The following TCF7L1 variants were observed in gnomAD, a reference collection of about 807,000 sequenced individuals.
TCF7L1 encodes the protein transcription factor 7 like 1.
TCF7L1 carries 18 observed loss-of-function variants against 63.7 expected under a neutral mutation model. The ratio of observed to expected loss-of-function variants is 0.28; its 90% CI spans 0.20 to 0.42. TCF7L1 has a LOEUF of 0.42. Among genes scored for constraint, TCF7L1 ranks in the 10% least tolerant of loss-of-function variants. The probability of loss-of-function intolerance (pLI) is 1.00; values close to 1 mark genes in which losing one functional copy is unlikely to be tolerated. For missense variants in TCF7L1, 654 were observed against 779.3 expected (o/e 0.84, Z 1.91); for synonymous variants, 355 against 340.9 (o/e 1.04, Z -0.46).
At position 85,134,376 on chromosome 2, in the gene TCF7L1, C is replaced by T. The variant is rs1273624102; in HGVS notation, c.367C>T (p.Pro123Ser). The change falls in exon 3 of 12, where the codon CCC (proline) becomes TCC (serine). Residue 123 changes from proline to serine, a missense_variant. By Grantham distance (74) the Pro-to-Ser change is moderately conservative. Transcript: ENST00000282111. The surrounding 1 kb of genome is among the most constrained non-coding windows in gnomAD (Gnocchi z 5.0). ...TAAAGGACCCCCGTACCCTGGGTAC[C>T]CCTTCCTGATGATCCCGGACCTGAG... Reference protein sequence around the residue: ...FFKGPPYPGYPFLMIPDLSSP... With the variant: ...FFKGPPYPGYSFLMIPDLSSP... 8.2e-6 allele frequency: 13 copies of T among 1,578,772 alleles called. 1 individual carries two copies. Among genetic ancestry groups the T allele is most frequent in the Middle Eastern group, 3.3e-4 (2 of 5,988 alleles).
chr2:85,186,537 C>T (rs1678928896), intron 3 of TCF7L1: 1 of 152,134 alleles, frequency 6.6e-6, no homozygotes, highest in Non-Finnish European at 1.5e-5. Flanking sequence ...AATATGGTCA[C>T]CATTACCATA....
At chr2:85,166,720 A>G (rs564014168) in intron 3 of TCF7L1, among the ~76,000 whole-genome samples, 1 of 152,230 alleles carries the variant, frequency 6.6e-6, no homozygotes, top group Non-Finnish European at 1.5e-5. Context: ...GAGCACACTC[A>G]AAAACTAAGG....
chr2:85,180,875 T>C (rs1163241124), intron 3 of TCF7L1, among the ~76,000 whole-genome samples: 1 of 152,188 alleles, frequency 6.6e-6, no homozygotes, highest in Non-Finnish European at 1.5e-5. Flanking sequence ...AGCCAGCAAA[T>C]AGCAAGTAGC....
intron 3 of TCF7L1, among the ~76,000 whole-genome samples, chr2:85,260,681 G>A (rs1387932218): frequency 3.3e-5 from 5 of 151,920 alleles, no homozygotes; most frequent in Non-Finnish European, 5.9e-5. Context: ...TGTACGTGAG[G>A]CCTGGCCATT....
chr2:85,137,093 C>G (rs1173614955), intron 3 of TCF7L1, among the ~76,000 whole-genome samples: 1 of 152,144 alleles, frequency 6.6e-6, no homozygotes, highest in Non-Finnish European at 1.5e-5. Context: ...GCTCTAAGGC[C>G]TAGAGGTAGT....
intron 3 of TCF7L1, among the ~76,000 whole-genome samples, chr2:85,174,831 G>T (rs1374921072): frequency 6.6e-6 from 1 of 152,206 alleles, no homozygotes; most frequent in Non-Finnish European, 1.5e-5. Context: ...TCCAGCCTCT[G>T]CTCCTACATC....
rs111728008 is a variant in TCF7L1, at chr2:85,285,002, G to T, written c.525+1424G>T. Among the ~76,000 whole-genome samples the T allele has an allele frequency of 3.9e-4, 59 of 152,314 alleles. 2 individuals carry two copies. The highest frequency in any genetic ancestry group is 1.4e-3 in the African/African-American group (57 of 41,574). On this transcript the variant is annotated intron_variant, in intron 4 of 11. Coordinates refer to ENST00000282111, the MANE Select transcript of TCF7L1 (RefSeq NM_031283.3). Reference sequence around the variant, plus strand: ...TAATCCCAGCACTTTGGGAGGCCGAGGTGGGCGGATCACGAGGTCAGGAGA... The same window carrying T: ...TAATCCCAGCACTTTGGGAGGCCGATGTGGGCGGATCACGAGGTCAGGAGA...
intron 3 of TCF7L1, among the ~76,000 whole-genome samples, chr2:85,174,288 T>C (rs1041351432): frequency 1.3e-5 from 2 of 152,190 alleles, no homozygotes; most frequent in Admixed American, 6.5e-5. Context: ...TCAAGGTTCC[T>C]CTGTGTCATG....
chr2:85,253,338 G>C (rs769918660), intron 3 of TCF7L1, among the ~76,000 whole-genome samples: 1 of 147,212 alleles, frequency 6.8e-6, no homozygotes, highest in Non-Finnish European at 1.5e-5. Flanking sequence ...GCTGTTGTTC[G>C]TAAGGTCAGA....
At chr2:85,202,122 C>G (rs1403743804) in intron 3 of TCF7L1, among the ~76,000 whole-genome samples, 4 of 151,886 alleles carry the variant, frequency 2.6e-5, no homozygotes, top group Non-Finnish European at 4.4e-5. Flanking sequence ...GTCACCATGC[C>G]CAGTTAATGT....
intron 3 of TCF7L1, among the ~76,000 whole-genome samples, chr2:85,195,042 C>T (rs149838025): frequency 9.2e-5 from 14 of 152,336 alleles, no homozygotes; most frequent in African/African-American, 2.9e-4. Flanking sequence ...AGTCCTTTTT[C>T]GCAGCATTTG....
At chr2:85,303,686 G>A in intron 5 of TCF7L1, 1 of 447,894 alleles carries the variant, frequency 2.2e-6, no homozygotes, top group South Asian at 6.0e-5. Flanking sequence ...CAGCTAGAGA[G>A]GGGGTGCATT....
At chr2:85,227,562 G>A (rs1034643265) in intron 3 of TCF7L1, among the ~76,000 whole-genome samples, 9 of 152,008 alleles carry the variant, frequency 5.9e-5, no homozygotes, top group Non-Finnish European at 1.3e-4. Context: ...CTAGAGCAAA[G>A]GACAGTCTTT....
At chr2:85,261,121 CT>C (rs1680846991) in intron 3 of TCF7L1, among the ~76,000 whole-genome samples, 1 of 110,424 alleles carries the variant, frequency 9.1e-6, no homozygotes, top group Admixed American at 9.4e-5. Flanking sequence ...TCAATTATTG[CT>C]GGTGTGTGTG....
chr2:85,285,628 A>G (rs1266680190), intron 4 of TCF7L1, among the ~76,000 whole-genome samples: 5 of 152,232 alleles, frequency 3.3e-5, no homozygotes, highest in Non-Finnish European at 7.3e-5. Context: ...GGGATAGCCA[A>G]GCACGAGGCG....
intron 3 of TCF7L1, among the ~76,000 whole-genome samples, chr2:85,162,562 T>C (rs6547597): frequency 0.11 from 16,029 of 152,272 alleles, 1,512 homozygotes; most frequent in African/African-American, 0.26. Flanking sequence ...AGAATGATTT[T>C]AGTCCATCAT....
intron 3 of TCF7L1, among the ~76,000 whole-genome samples, chr2:85,245,555 G>C (rs1680442389): frequency 6.6e-6 from 1 of 152,142 alleles, no homozygotes. Flanking sequence ...GCTCACATCT[G>C]TAATCCCAGC....
intron 3 of TCF7L1, among the ~76,000 whole-genome samples, chr2:85,234,292 C>T (rs1394215942): frequency 2.6e-5 from 4 of 151,924 alleles, no homozygotes; most frequent in African/African-American, 7.3e-5. Flanking sequence ...CCTGCCAACA[C>T]GCTCAGCTAA....
At chr2:85,248,989 C>T (rs1265002440) in intron 3 of TCF7L1, among the ~76,000 whole-genome samples, 1 of 140,516 alleles carries the variant, frequency 7.1e-6, no homozygotes, top group African/African-American at 2.5e-5. Context: ...TGACTCATTC[C>T]CTTGGGGAGG....
Sources: allele counts gnomAD v4.1 joint callset (sites outside exome capture counted in the v4.1 genomes callset), GRCh38; gene constraint gnomAD v4.1.1; non-coding constraint Gnocchi (gnomAD v3.1); transcripts MANE v1.5; gene names NCBI Gene and HGNC (gene_info 2026-07-23, HGNC 2026-07-21).